The following EXT1 variants were observed in gnomAD, a reference collection of about 807,000 sequenced individuals.
The protein encoded by EXT1 is exostosin-1.
Under a neutral mutation model 82.5 loss-of-function variants are expected in EXT1, and 20 were observed. That is an observed-to-expected ratio of 0.24 (90% CI 0.17 to 0.35). The LOEUF is 0.35. Among genes scored for constraint, EXT1 ranks in the 10% least tolerant of loss-of-function variants. The probability of loss-of-function intolerance (pLI) is 1.00; values close to 1 mark genes in which losing one functional copy is unlikely to be tolerated. For missense variants in EXT1, 757 were observed against 936.5 expected (o/e 0.81, Z 2.50); for synonymous variants, 348 against 350.8 (o/e 0.99, Z 0.09).
chr8:117,992,713 A>G (rs1815460519), intron 1 of EXT1, among the ~76,000 whole-genome samples: 1 of 152,192 alleles, frequency 6.6e-6, no homozygotes, highest in African/African-American at 2.4e-5. Flanking sequence ...AACACAAGCC[A>G]GATAACCACT....
At chr8:117,963,589 C>A (rs1814747014) in intron 1 of EXT1, among the ~76,000 whole-genome samples, 1 of 152,144 alleles carries the variant, frequency 6.6e-6, no homozygotes, top group Non-Finnish European at 1.5e-5. Context: ...CTCCCGGGTT[C>A]AAGCGATTCT....
chr8:118,098,070 G>C (rs748418106), intron 1 of EXT1, among the ~76,000 whole-genome samples: 1 of 152,098 alleles, frequency 6.6e-6, no homozygotes, highest in Non-Finnish European at 1.5e-5. Flanking sequence ...AAGGCAGGCA[G>C]AGCTTGCCTG....
chr8:117,835,008 G>C (rs17430252), intron 3 of EXT1, among the ~76,000 whole-genome samples: 13,683 of 152,132 alleles, frequency 0.09, 790 homozygotes, highest in African/African-American at 0.17. Flanking sequence ...ACCCAGACTG[G>C]ATCATTTGAG....
chr8:118,094,623 G>A (rs1320956088), intron 1 of EXT1, among the ~76,000 whole-genome samples: 1 of 152,152 alleles, frequency 6.6e-6, no homozygotes, highest in Non-Finnish European at 1.5e-5. Flanking sequence ...TTTAATCCCT[G>A]TAACAGCAAC....
chr8:117,866,591 A>C (rs1812777741), intron 1 of EXT1, among the ~76,000 whole-genome samples: 1 of 152,318 alleles, frequency 6.6e-6, no homozygotes, highest in East Asian at 1.9e-4. Flanking sequence ...AAGTGTGATG[A>C]TTTATGCAGG....
intron 1 of EXT1, among the ~76,000 whole-genome samples, chr8:117,989,793 G>T (rs1428919996): frequency 6.6e-6 from 1 of 152,202 alleles, no homozygotes; most frequent in Non-Finnish European, 1.5e-5. Flanking sequence ...TGCCCTGCCA[G>T]AAGAGCCCCA....
At chr8:118,102,506 T>C (rs1683859117) in intron 1 of EXT1, among the ~76,000 whole-genome samples, 6 of 152,166 alleles carry the variant, frequency 3.9e-5, no homozygotes, top group Admixed American at 3.9e-4. Context: ...GTAAGGTGAA[T>C]GGGTAGGAGT....
At position 117,862,188 on chromosome 8, in the gene EXT1, G is replaced by A. The variant is rs1251068138; in HGVS notation, c.963-24987C>T. Among the ~76,000 whole-genome samples the A allele has an allele frequency of 1.4e-5, 2 of 145,572 alleles. 1 individual carries two copies. The highest frequency in any genetic ancestry group is 3.1e-5 in the Non-Finnish European group (2 of 64,832). On this transcript the variant is annotated intron_variant, in intron 1 of 10. Transcript: ENST00000378204. ...TCAGCTGCTGTTAAAGAGTCTGAAT[G>A]GACAGGGCATTACAATCATTAAGAA... is the stretch of plus-strand genomic sequence containing the variant.
At chr8:117,884,600 G>C (rs1056991740) in intron 1 of EXT1, among the ~76,000 whole-genome samples, 1 of 152,190 alleles carries the variant, frequency 6.6e-6, no homozygotes, top group Non-Finnish European at 1.5e-5. Flanking sequence ...GTGTGCAACA[G>C]TCTCTATACT....
At chr8:117,837,294 G>T in intron 1 of EXT1, 93 bp from the exon 2 acceptor site, 2 of 1,032,974 alleles carry the variant, frequency 1.9e-6, no homozygotes, top group Non-Finnish European at 3.0e-6. Context: ...ATGAATTTAC[G>T]CAAAGCAACT....
chr8:117,835,292 T>G, intron 3 of EXT1, 152 bp downstream of exon 3: 1 of 681,494 alleles, frequency 1.5e-6, no homozygotes, highest in East Asian at 2.7e-5. Context: ...CAATGTCATA[T>G]TAAATGACTT....
intron 1 of EXT1, among the ~76,000 whole-genome samples, chr8:117,843,018 T>C (rs1181784936): frequency 3.9e-5 from 6 of 152,192 alleles, no homozygotes; most frequent in Non-Finnish European, 8.8e-5. Context: ...TAACTTAACA[T>C]CTACAGCTGA....
chr8:117,799,610 T>TG lies in EXT1; in HGVS notation c.*101dup. 1 of 1,383,652 alleles carries TG rather than the reference T, an allele frequency of 7.2e-7. No individual in the cohort carries two copies. The highest frequency in any genetic ancestry group is 1.0e-6 in the Non-Finnish European group (1 of 977,556). 85.7% of individuals were successfully genotyped at this position (1,383,652 alleles called of 1,614,324 possible). On this transcript the variant is annotated 3_prime_UTR_variant, in exon 11 of 11. Coordinates refer to ENST00000378204, the MANE Select transcript of EXT1 (RefSeq NM_000127.3). ...CTGCTCATCTAAGTTTTTGGATAGT[T>TG]GGCACAATCTGGCTCTGCTGATGAG...
intron 1 of EXT1, among the ~76,000 whole-genome samples, chr8:118,024,710 G>A (rs1289768600): frequency 6.6e-6 from 1 of 152,162 alleles, no homozygotes; most frequent in Non-Finnish European, 1.5e-5. Flanking sequence ...AACAAGGGAA[G>A]GCTTGTTTGA....
At chr8:118,097,918 C>G (rs1817649721) in intron 1 of EXT1, among the ~76,000 whole-genome samples, 1 of 152,094 alleles carries the variant, frequency 6.6e-6, no homozygotes, top group Non-Finnish European at 1.5e-5. Context: ...AGAATTTGGC[C>G]TTGTCTGAGG....
chr8:118,063,729 A>G (rs1002347642), intron 1 of EXT1, among the ~76,000 whole-genome samples: 3 of 152,378 alleles, frequency 2.0e-5, no homozygotes, highest in Admixed American at 6.5e-5. Flanking sequence ...GAGATCACAG[A>G]CAAATTCAGC....
Position 117,807,252 on chromosome 8 carries a change from G to A in EXT1, c.1848C>T (p.Tyr616=), listed in dbSNP as rs1563873580. 11 of 1,614,108 alleles carry A rather than the reference G, an allele frequency of 6.8e-6. No individual in the cohort carries two copies. Among genetic ancestry groups the A allele is most frequent in the South Asian group, 1.1e-5 (1 of 91,092 alleles). The stretch of plus-strand genomic sequence containing the variant: ...TAGCAGCTCCTGTCAACACCATGGA[G>A]TAGTCGTTCGTCCACTTTGATGTGT... ...WGYTSKWTND[Y]SMVLTGAAIY... The change falls in exon 9 of 11, where the codon TAC becomes TAT. Residue 616 remains tyrosine (Y), a synonymous_variant. Coordinates refer to ENST00000378204, the MANE Select transcript of EXT1 (RefSeq NM_000127.3).
chr8:118,011,361 C>T (rs1815895932), intron 1 of EXT1, among the ~76,000 whole-genome samples: 1 of 152,198 alleles, frequency 6.6e-6, no homozygotes. Context: ...ACCCACTAAC[C>T]TTATGAACAC....
chr8:118,057,017 A>G (rs1352258135), intron 1 of EXT1, among the ~76,000 whole-genome samples: 2 of 152,200 alleles, frequency 1.3e-5, no homozygotes, highest in African/African-American at 4.8e-5. Flanking sequence ...AACGTCCTCC[A>G]GGATGCTCTT....
Sources: allele counts gnomAD v4.1 joint callset (sites outside exome capture counted in the v4.1 genomes callset), GRCh38; gene constraint gnomAD v4.1.1; transcripts MANE v1.5; gene names NCBI Gene and HGNC (gene_info 2026-07-23, HGNC 2026-07-21).